FILIP1L: variants seen among roughly 807,000 people sequenced by gnomAD.
The protein encoded by FILIP1L is filamin A-interacting protein 1-like.
A neutral mutation model predicts 96.6 loss-of-function variants in FILIP1L; 55 were observed. The ratio of observed to expected loss-of-function variants is 0.57; its 90% confidence interval spans 0.46 to 0.71. The LOEUF is 0.71. FILIP1L is among the 30% of genes least tolerant of loss of function. The pLI is 0.00. For synonymous variants in FILIP1L, 467 were observed against 473.9 expected, an observed-to-expected ratio of 0.99 and a Z score of 0.19; for missense variants, 1,304 against 1,321.2, an observed-to-expected ratio of 0.99 and a Z score of 0.20.
chr3:100,029,013 A>T (rs1434617015), intron 1 of FILIP1L, among the ~76,000 whole-genome samples: 1 of 152,048 alleles, frequency 6.6e-6, no homozygotes, highest in East Asian at 1.9e-4. Flanking sequence ...AACTCAATTC[A>T]ATTATTTTTC....
intron 1 of FILIP1L, among the ~76,000 whole-genome samples, chr3:100,096,544 G>A (rs530426078): frequency 6.6e-6 from 1 of 152,242 alleles, no homozygotes; most frequent in East Asian, 1.9e-4. Context: ...TGACTTATTT[G>A]TAGGATGTAG....
intron 4 of FILIP1L, among the ~76,000 whole-genome samples, chr3:99,919,198 G>T (rs1707047846): frequency 6.6e-6 from 1 of 151,832 alleles, no homozygotes; most frequent in Admixed American, 6.6e-5. Context: ...AGTTTAATGT[G>T]TTTATTGATT....
intron 4 of FILIP1L, among the ~76,000 whole-genome samples, chr3:99,919,501 C>G (rs916676986): frequency 2.0e-5 from 3 of 151,012 alleles, no homozygotes; most frequent in Admixed American, 6.6e-5. Flanking sequence ...TAATGAATGG[C>G]AAGTAGCACT....
chr3:99,832,863 T>G (rs13064136), intron 5 of FILIP1L, among the ~76,000 whole-genome samples: 17,352 of 144,558 alleles, frequency 0.12, 1,773 homozygotes, highest in African/African-American at 0.25. Flanking sequence ...AAAAAGTTGT[T>G]TTTTTTTTTT....
intron 1 of FILIP1L, among the ~76,000 whole-genome samples, chr3:99,947,757 T>C (rs951661720): frequency 2.0e-5 from 3 of 152,354 alleles, no homozygotes; most frequent in East Asian, 3.9e-4. Context: ...ATAGAAGGCA[T>C]GTATACTGCT....
At chr3:99,841,345 A>G (rs1943122014) in intron 5 of FILIP1L, among the ~76,000 whole-genome samples, 1 of 152,216 alleles carries the variant, frequency 6.6e-6, no homozygotes, top group African/African-American at 2.4e-5. Flanking sequence ...CATTTCTACT[A>G]TGCCTGTGGC....
At chr3:99,946,790 G>T (rs1708021055) in intron 1 of FILIP1L, among the ~76,000 whole-genome samples, 1 of 152,080 alleles carries the variant, frequency 6.6e-6, no homozygotes. Context: ...CCAGTATGTT[G>T]GCTGCAGTAT....
chr3:100,109,247 C>A (rs960527247), intron 1 of FILIP1L, among the ~76,000 whole-genome samples: 90 of 151,984 alleles, frequency 5.9e-4, no homozygotes, highest in African/African-American at 2.1e-3. Flanking sequence ...TGAAAATCTG[C>A]AAGAATTCCA....
intron 4 of FILIP1L, among the ~76,000 whole-genome samples, chr3:99,869,496 A>T (rs746796675): frequency 1.3e-5 from 2 of 152,212 alleles, no homozygotes; most frequent in Non-Finnish European, 2.9e-5. Flanking sequence ...CATTTTCACA[A>T]AATTCCACAG....
chr3:100,033,334 C>G (rs779836589), intron 1 of FILIP1L, among the ~76,000 whole-genome samples: 1 of 152,172 alleles, frequency 6.6e-6, no homozygotes, highest in Non-Finnish European at 1.5e-5. Context: ...TCACCTCTAT[C>G]GAGTGGCAGC....
chr3:99,981,454 CTT>C (rs1001175816), intron 1 of FILIP1L, among the ~76,000 whole-genome samples: 1 of 152,122 alleles, frequency 6.6e-6, no homozygotes, highest in African/African-American at 2.4e-5. Context: ...TCTGGCCACT[CTT>C]ATTAGTATTC....
intron 1 of FILIP1L, among the ~76,000 whole-genome samples, chr3:100,110,410 T>G (rs969921264): frequency 6.6e-6 from 1 of 152,118 alleles, no homozygotes; most frequent in African/African-American, 2.4e-5. Flanking sequence ...TTATCCCGTT[T>G]GCTATCCTCC....
At position 99,983,439 on chromosome 3, in the gene FILIP1L, T is replaced by C. The variant is rs1433225396; in HGVS notation, c.-10-52409A>G. On this transcript the variant is annotated intron_variant, in intron 1 of 5. Coordinates refer to ENST00000477258, the MANE Select transcript of FILIP1L (RefSeq NM_001387850.1). ...ATATATGTATGTATGTATGTATATA[T>C]ATGTATGTATATATATATATGTGTG... 1.3e-4 allele frequency among the ~76,000 whole-genome samples: 5 copies of C among 37,750 alleles called. 1 individual carries two copies. The highest frequency in any genetic ancestry group is 4.9e-4 in the African/African-American group (5 of 10,198). 24.8% of individuals were successfully genotyped at this position (37,750 alleles called of 152,430 possible).
In FILIP1L at chr3:99,848,474, T is replaced by C. The variant is rs201557511; in HGVS notation, c.3202A>G (p.Ser1068Gly). 9.9e-6 allele frequency: 16 copies of C among 1,614,186 alleles called. 1 individual carries two copies. The Admixed American group carries it at 2.5e-4, about 25-fold the overall frequency. ...CTGGCTACAGCTTGCATGTAAGGACTTCCTAAGTGAATGTGGATTTTATTA... is the reference window on the plus strand; with the variant it reads ...CTGGCTACAGCTTGCATGTAAGGACCTCCTAAGTGAATGTGGATTTTATTA... ...EDNKIHIHLG[S>G]PYMQAVASPV... Residue 1068 changes from serine to glycine, a missense_variant, in exon 5 of 6, where the codon AGT (serine) becomes GGT (glycine). Ser to Gly is a moderately conservative substitution (Grantham distance 56). Transcript: ENST00000477258.
intron 4 of FILIP1L, among the ~76,000 whole-genome samples, chr3:99,863,347 A>G (rs974335639): frequency 6.6e-6 from 1 of 152,134 alleles, no homozygotes; most frequent in African/African-American, 2.4e-5. Flanking sequence ...ACCCGGTAAT[A>G]GGCCTCAAAC....
intron 4 of FILIP1L, among the ~76,000 whole-genome samples, chr3:99,911,894 C>T (rs1270190985): frequency 6.6e-6 from 1 of 152,088 alleles, no homozygotes; most frequent in Non-Finnish European, 1.5e-5. Flanking sequence ...AACAAATATC[C>T]CCCATTTTCT....
At chr3:100,083,535 T>G (rs370674144) in intron 1 of FILIP1L, among the ~76,000 whole-genome samples, 2 of 152,344 alleles carry the variant, frequency 1.3e-5, no homozygotes, top group South Asian at 2.1e-4. Flanking sequence ...CATTGTGACA[T>G]TTTCCCGTCT....
intron 1 of FILIP1L, among the ~76,000 whole-genome samples, chr3:100,067,047 A>G (rs2065678276): frequency 6.6e-6 from 1 of 152,192 alleles, no homozygotes; most frequent in African/African-American, 2.4e-5. Context: ...CAGAAGGGCA[A>G]GCGTGGACTG....
At chr3:100,060,672 T>G (rs931011015) in intron 1 of FILIP1L, among the ~76,000 whole-genome samples, 1 of 151,856 alleles carries the variant, frequency 6.6e-6, no homozygotes, top group Non-Finnish European at 1.5e-5. Context: ...CTGGGCAATA[T>G]AGTGAAACCC....
Sources: gnomAD v4.1 joint callset for allele counts (sites outside exome capture counted in the v4.1 genomes callset) on GRCh38, gnomAD v4.1.1 for gene constraint, MANE v1.5 for transcripts, NCBI Gene and HGNC (gene_info 2026-07-23, HGNC 2026-07-21) for gene names.